Variants in C11orf24 observed in about 807,000 individuals in gnomAD.
C11orf24 encodes uncharacterized protein C11orf24.
In C11orf24, 5 loss-of-function variants were observed where a neutral mutation model predicts 7.3. That is an observed-to-expected ratio of 0.69 (90% CI 0.36 to 1.45). C11orf24 has a LOEUF of 1.45. C11orf24 is among the 40% of genes most tolerant of loss of function. C11orf24 has a pLI of 0.03. For missense variants in C11orf24, 566 were observed against 590.5 expected, an observed-to-expected ratio of 0.96 and a Z score of 0.43; for synonymous variants, 233 against 235.7, an observed-to-expected ratio of 0.99 and a Z score of 0.11.
chr11:68,264,625 C>CCCACCCACCCAT (rs2098563927), intron 2 of C11orf24, among the ~76,000 whole-genome samples: 1 of 38,170 alleles, frequency 2.6e-5, no homozygotes, highest in African/African-American at 9.8e-5. Flanking sequence ...CATCCATCCA[C>CCCACCCACCCAT]CCATCCATCC....
In C11orf24 at chr11:68,262,425, T is replaced by C. The variant is rs2098562309; in HGVS notation, c.570A>G (p.Thr190=). 1 of 1,614,158 alleles carries C rather than the reference T, an allele frequency of 6.2e-7. No homozygotes were observed. The highest frequency in any genetic ancestry group is 8.5e-7 in the Non-Finnish European group (1 of 1,180,024). ...TTATGHPSLS[T]ALAQVPKSSA... is the part of the protein sequence containing the mutation. ...TGCTCTTTGGCACTTGTGCGAGGGC[T>C]GTGCTGAGAGATGGATGCCCAGTGG... Residue 190 remains threonine (T), a synonymous_variant, in exon 4 of 4, where the codon ACA becomes ACG. Transcript: ENST00000304271.
rs772781605 is a variant in C11orf24, at chr11:68,262,217, C to T, written c.778G>A (p.Val260Met). The T allele has an allele frequency of 7.4e-6, 12 of 1,612,858 alleles. No homozygotes were observed. The highest frequency in any genetic ancestry group is 1.0e-5 in the Non-Finnish European group (12 of 1,179,148). Reference protein sequence around the residue: ...RPQAQGPISQVSVDQPVVNTT... With the variant: ...RPQAQGPISQMSVDQPVVNTT... ...TTAACCACAGGCTGGTCCACTGACA[C>T]CTGGCTAATGGGACCTTGTGCTTGG... The change falls in exon 4 of 4, where the codon GTG becomes ATG. Residue 260 changes from valine (V) to methionine (M), a missense_variant. Transcript: ENST00000304271.
At position 68,261,910 on chromosome 11, in the gene C11orf24, G is replaced by A. The variant is rs780794551; in HGVS notation, c.1085C>T (p.Pro362Leu). 1 of 1,613,962 alleles carries A rather than the reference G, an allele frequency of 6.2e-7. No homozygotes were observed. The highest frequency in any genetic ancestry group is 1.1e-5 in the South Asian group (1 of 91,090). ...CATCTTAGTGCCCCCTGAGCTCCTG[G>A]GTGTTGGCCCAGTGGAATCAGTACC... The part of the protein sequence containing the change: ...TPGTDSTGPT[P>L]RSSGGTKMPA... Residue 362 changes from proline to leucine, a missense_variant, in exon 4 of 4, where the codon CCC becomes CTC. Transcript: ENST00000304271.
chr11:68,265,993 T>C (rs2098564878), intron 2 of C11orf24, among the ~76,000 whole-genome samples: 1 of 152,036 alleles, frequency 6.6e-6, no homozygotes, highest in Non-Finnish European at 1.5e-5. Flanking sequence ...AATGCATGAG[T>C]GGCAGAAGCA....
rs1565289318 is a variant in C11orf24 at position 68,262,230 on chromosome 11, A to C, written c.765T>G (p.Gly255=). 1 of 1,612,598 alleles carries C rather than the reference A, an allele frequency of 6.2e-7. No individual in the cohort carries two copies. Among genetic ancestry groups the C allele is most frequent in the Non-Finnish European group, 8.5e-7 (1 of 1,178,998 alleles). ...GGTCCACTGACACCTGGCTAATGGG[A>C]CCTTGTGCTTGGGGACGCATAGGGG... ...PVPPMRPQAQ[G]PISQVSVDQP... Residue 255 remains glycine (G), a synonymous_variant, in exon 4 of 4, where the codon GGT becomes GGG. Transcript: ENST00000304271.
chr11:68,262,394 A>G lies in C11orf24; in HGVS notation c.601T>C (p.Leu201=), dbSNP rs989640571. ...GTGGCCAGGGTTGCTGTTCTTGGCA[A>G]CGCGCTGCTCTTTGGCACTTGTGCG... is the stretch of plus-strand genomic sequence containing the variant. The part of the protein sequence containing the change: ...ALAQVPKSSA[L]PRTATLATLA... Residue 201 remains leucine, a synonymous_variant, in exon 4 of 4, where the codon TTG becomes CTG. Coordinates refer to ENST00000304271, the MANE Select transcript of C11orf24 (RefSeq NM_022338.4). 3 of 1,614,018 alleles carry G rather than the reference A, an allele frequency of 1.9e-6. No individual in the cohort carries two copies. Among genetic ancestry groups the G allele is most frequent in the African/African-American group, 1.3e-5 (1 of 74,894 alleles).
intron 1 of C11orf24, among the ~76,000 whole-genome samples, chr11:68,270,159 G>A (rs1411027362): frequency 3.9e-5 from 6 of 152,186 alleles, no homozygotes; most frequent in Non-Finnish European, 5.9e-5. Context: ...GAGCGAGAGA[G>A]AATTAAGTTT....
Position 68,262,454 on chromosome 11 carries a change from T to C in C11orf24, c.541A>G (p.Thr181Ala). Residue 181 changes from threonine (T) to alanine (A), a missense_variant, in exon 4 of 4, where the codon ACC becomes GCC. Transcript: ENST00000304271. ...CTGAGAGATGGATGCCCAGTGGCGG[T>C]AGTGGACGGGGTCCGCCCTGTGGAA... ...STSTGRTPST[T>A]ATGHPSLSTA... 3 of 1,614,038 alleles carry C rather than the reference T, an allele frequency of 1.9e-6. No homozygotes were observed. Among genetic ancestry groups the C allele is most frequent in the Non-Finnish European group, 2.5e-6 (3 of 1,180,004 alleles).
At chr11:68,270,537 G>A (rs1297345076) in intron 1 of C11orf24, among the ~76,000 whole-genome samples, 1 of 149,862 alleles carries the variant, frequency 6.7e-6, no homozygotes, top group Non-Finnish European at 1.5e-5. Flanking sequence ...AGGATTACAA[G>A]CCCAGAAGTT....
chr11:68,262,878 C>T lies in C11orf24; in HGVS notation c.117G>A (p.Lys39=), dbSNP rs762402252. ...CAACTGTTTCCACAGATGCATTCCT[C>T]TTGACTAATCCCTTCCACATTTTGT... The part of the protein sequence containing the change: ...VPNKMWKGLV[K]RNASVETVDN... The change falls in exon 4 of 4, where the codon AAG becomes AAA. Residue 39 remains lysine, a synonymous_variant. Transcript: ENST00000304271. The T allele has an allele frequency of 4.3e-6, 7 of 1,614,064 alleles. No homozygotes were observed. In the East Asian group the frequency reaches 1.1e-4, roughly 26 times the overall value.
chr11:68,265,171 G>T (rs923347), intron 2 of C11orf24, among the ~76,000 whole-genome samples: 1 of 151,958 alleles, frequency 6.6e-6, no homozygotes. Flanking sequence ...AAGGAAGAGC[G>T]TGGTGAGGCG....
rs780129443 is a variant in C11orf24 at position 68,263,802 on chromosome 11, C to T, written c.-35G>A. ...GAGCTGGGAGCAAGGCTGGGCGGTC[C>T]CCGAGGCTCCCAGCCAGCCAGCTCC... On this transcript the variant is annotated 5_prime_UTR_variant, in exon 3 of 4. Coordinates refer to ENST00000304271, the MANE Select transcript of C11orf24 (RefSeq NM_022338.4). 52 of 1,566,478 alleles carry T rather than the reference C, an allele frequency of 3.3e-5. No individual in the cohort carries two copies. Among genetic ancestry groups the T allele is most frequent in the Non-Finnish European group, 4.2e-5 (48 of 1,148,994 alleles).
At chr11:68,263,363 T>G (rs1210024165) in intron 3 of C11orf24, 3 of 429,612 alleles carry the variant, frequency 7.0e-6, no homozygotes, top group African/African-American at 6.0e-5. Context: ...TTCTTGGAAA[T>G]GAATGGCACA....
In C11orf24 at chr11:68,262,583, A is replaced by C; in HGVS notation, c.412T>G (p.Ser138Ala). 1.2e-6 allele frequency: 2 copies of C among 1,608,450 alleles called. No homozygotes were observed. Among genetic ancestry groups the C allele is most frequent in the Non-Finnish European group, 1.7e-6 (2 of 1,175,842 alleles). Residue 138 changes from serine (S) to alanine (A), a missense_variant, in exon 4 of 4, where the codon TCC becomes GCC. Ser to Ala is a moderately conservative substitution (Grantham distance 99). Transcript: ENST00000304271. Reference sequence around the variant, plus strand: ...GCAATGGAGGCCACAGTTGTACTGGAGGCTGCAGTCGTGGGAGCACTGGAG... The same window carrying C: ...GCAATGGAGGCCACAGTTGTACTGGCGGCTGCAGTCGTGGGAGCACTGGAG... The part of the protein sequence containing the change: ...VASSAPTTAA[S>A]STTVASIAPT...
Position 68,261,841 on chromosome 11 carries a change from A to G in C11orf24, c.1154T>C (p.Met385Thr), listed in dbSNP as rs1229409137. Residue 385 changes from methionine (M) to threonine (T), a missense_variant, in exon 4 of 4, where the codon ATG becomes ACG. Met to Thr is a moderately conservative substitution (Grantham distance 81). Coordinates refer to ENST00000304271, the MANE Select transcript of C11orf24 (RefSeq NM_022338.4). ...GGTGAGGGGCTCAGTGGTGACCACC[A>G]TGTACTGGCCTTGGGTGCTGGGCTG... ...SCQPSTQGQY[M>T]VVTTEPLTQA... The G allele has an allele frequency of 5.0e-6, 8 of 1,613,992 alleles. No individual in the cohort carries two copies. The highest frequency in any genetic ancestry group is 5.9e-6 in the Non-Finnish European group (7 of 1,180,050).
At chr11:68,268,292 T>G (rs1236042120) in intron 1 of C11orf24, 41 bp from the exon 2 acceptor site, 1 of 152,232 alleles carries the variant, frequency 6.6e-6, no homozygotes, top group Non-Finnish European at 1.5e-5. Flanking sequence ...ATGAAAGGCA[T>G]GAAGGAAAAT....
chr11:68,262,457 T>C lies in C11orf24; in HGVS notation c.538A>G (p.Thr180Ala). Residue 180 changes from threonine to alanine, a missense_variant, in exon 4 of 4, where the codon ACT (threonine) becomes GCT (alanine). Physicochemically the swap from Thr to Ala is moderately conservative, Grantham distance 58. Coordinates refer to ENST00000304271, the MANE Select transcript of C11orf24 (RefSeq NM_022338.4). ...AGAGATGGATGCCCAGTGGCGGTAG[T>C]GGACGGGGTCCGCCCTGTGGAAGTG... is the stretch of plus-strand genomic sequence containing the variant. ...TSTSTGRTPS[T>A]TATGHPSLST... 1 of 1,614,046 alleles carries C rather than the reference T, an allele frequency of 6.2e-7. No individual in the cohort carries two copies. Among genetic ancestry groups the C allele is most frequent in the Middle Eastern group, 1.7e-4 (1 of 6,058 alleles).
At position 68,261,846 on chromosome 11, in the gene C11orf24, C is replaced by G. The variant is rs2098561855; in HGVS notation, c.1149G>C (p.Gln383His). ...GGGGCTCAGTGGTGACCACCATGTA[C>G]TGGCCTTGGGTGCTGGGCTGGCACG... ...TDSCQPSTQG[Q>H]YMVVTTEPLT... Residue 383 changes from glutamine (Q) to histidine (H), a missense_variant, in exon 4 of 4, where the codon CAG (glutamine) becomes CAC (histidine). Coordinates refer to ENST00000304271, the MANE Select transcript of C11orf24 (RefSeq NM_022338.4). The G allele has an allele frequency of 3.1e-6, 5 of 1,614,164 alleles. No individual in the cohort carries two copies. Among genetic ancestry groups the G allele is most frequent in the Non-Finnish European group, 4.2e-6 (5 of 1,180,052 alleles).
rs760758424 is a variant in C11orf24, at chr11:68,261,937, G to C, written c.1058C>G (p.Pro353Arg). Residue 353 changes from proline (P) to arginine (R), a missense_variant, in exon 4 of 4, where the codon CCA (proline) becomes CGA (arginine). Physicochemically the swap from Pro to Arg is moderately radical, Grantham distance 103. Coordinates refer to ENST00000304271, the MANE Select transcript of C11orf24 (RefSeq NM_022338.4). ...APEQVETEAT[P>R]GTDSTGPTPR... ...TGTTGGCCCAGTGGAATCAGTACCT[G>C]GTGTGGCTTCAGTCTCTACCTGCTC... 3.7e-6 allele frequency: 6 copies of C among 1,613,912 alleles called. No homozygotes were observed. The highest frequency in any genetic ancestry group is 5.1e-6 in the Non-Finnish European group (6 of 1,180,040).
Sources: allele counts gnomAD v4.1 joint callset (sites outside exome capture counted in the v4.1 genomes callset), GRCh38; gene constraint gnomAD v4.1.1; transcripts MANE v1.5; gene names NCBI Gene and HGNC (gene_info 2026-07-23, HGNC 2026-07-21).